Variants in SLC4A5 observed in about 807,000 individuals in gnomAD.
SLC4A5 encodes electrogenic sodium bicarbonate cotransporter 4.
Under a neutral mutation model 120.4 loss-of-function variants are expected in SLC4A5, and 96 were observed. The observed-to-expected ratio is 0.80, with a 90% CI of 0.68 to 0.94. The LOEUF is 0.94. Ranked by LOEUF, SLC4A5 falls within the 40% of genes least tolerant of loss-of-function variation. The pLI is 0.00. For missense variants in SLC4A5, 1,259 were observed against 1,459.5 expected (o/e 0.86, Z 2.24); for synonymous variants, 550 against 571.1 (o/e 0.96, Z 0.53).
At chr2:74,220,989 C>A (rs1198437921) in intron 30 of SLC4A5, among the ~76,000 whole-genome samples, 1 of 151,102 alleles carries the variant, frequency 6.6e-6, no homozygotes, top group Non-Finnish European at 1.5e-5. Flanking sequence ...TACAGGCCCC[C>A]ACCACCATGC....
intron 7 of SLC4A5, among the ~76,000 whole-genome samples, chr2:74,288,544 G>A (rs1672057991): frequency 1.3e-5 from 2 of 152,026 alleles, no homozygotes; most frequent in Admixed American, 6.6e-5. Context: ...TTCCCTCTTT[G>A]AAGATTCTCT....
At chr2:74,277,415 G>T (rs962235244) in intron 8 of SLC4A5, among the ~76,000 whole-genome samples, 1 of 152,290 alleles carries the variant, frequency 6.6e-6, no homozygotes, top group Middle Eastern at 3.4e-3. Context: ...CAGGCATGGT[G>T]GTGGGCGCCT....
intron 5 of SLC4A5, among the ~76,000 whole-genome samples, chr2:74,317,025 A>G (rs1672986713): frequency 6.6e-6 from 1 of 152,230 alleles, no homozygotes; most frequent in Admixed American, 6.5e-5. Flanking sequence ...TTCAATACAC[A>G]TGCATCAGGA....
At chr2:74,339,135 G>C (rs1673566794) in intron 2 of SLC4A5, 1 of 152,168 alleles carries the variant, frequency 6.6e-6, no homozygotes, top group African/African-American at 2.4e-5. Flanking sequence ...AAAAAAGAAA[G>C]AAAGAAAAAC....
chr2:74,221,635 C>CAGAGATGT, intron 29 of SLC4A5, 134 bp from the exon 30 acceptor site: 1 of 864,384 alleles, frequency 1.2e-6, no homozygotes, highest in Non-Finnish European at 1.8e-6. Context: ...TACGGGGCCT[C>CAGAGATGT]AGAGATGTGT....
intron 16 of SLC4A5, among the ~76,000 whole-genome samples, chr2:74,251,259 G>A (rs969037006): frequency 7.2e-5 from 11 of 152,024 alleles, no homozygotes; most frequent in South Asian, 2.1e-4. Flanking sequence ...CCCTGGGCTC[G>A]GGGGTAGGGG....
At chr2:74,224,116 G>C (rs559284740) in intron 28 of SLC4A5, among the ~76,000 whole-genome samples, 1 of 152,276 alleles carries the variant, frequency 6.6e-6, no homozygotes, top group African/African-American at 2.4e-5. Flanking sequence ...ACTTCCTTTT[G>C]TGGGGACAGT....
chr2:74,316,957 T>C (rs560911817), intron 5 of SLC4A5, among the ~76,000 whole-genome samples: 30 of 152,378 alleles, frequency 2.0e-4, no homozygotes, highest in African/African-American at 7.2e-4. Flanking sequence ...ATGTAATACA[T>C]TTAAATGTTA....
At chr2:74,316,250 T>C (rs1453417493) in intron 5 of SLC4A5, among the ~76,000 whole-genome samples, 4 of 147,180 alleles carry the variant, frequency 2.7e-5, no homozygotes, top group African/African-American at 1.0e-4. Flanking sequence ...ATTAAAATGA[T>C]TGTAGGAAAG....
intron 19 of SLC4A5, 45 bp from the exon 20 acceptor site, chr2:74,242,097 G>C (rs1362634460): frequency 6.4e-7 from 1 of 1,563,670 alleles, no homozygotes. Flanking sequence ...CAGCTGTGGG[G>C]CTGGGAGCTG....
intron 28 of SLC4A5, 55 bp from the exon 29 acceptor site, chr2:74,223,007 CTTTTT>C (rs1238005058): frequency 2.5e-5 from 23 of 921,242 alleles, no homozygotes; most frequent in Admixed American, 8.8e-5. Context: ...ATTTGGCTTT[CTTTTT>C]TTTTTTTTTT....
At chr2:74,228,025 G>C in intron 25 of SLC4A5, 147 bp from the exon 26 acceptor site, 1 of 611,006 alleles carries the variant, frequency 1.6e-6, no homozygotes, top group Middle Eastern at 4.3e-4. Flanking sequence ...TGGGATGTGG[G>C]CAGGGGTGAA....
chr2:74,245,901 C>A (rs973803320), intron 19 of SLC4A5, among the ~76,000 whole-genome samples: 1 of 152,196 alleles, frequency 6.6e-6, no homozygotes, highest in Non-Finnish European at 1.5e-5. Context: ...CCACAGGAGT[C>A]CCAGGAGACC....
In SLC4A5 at chr2:74,237,927, C is replaced by A. The variant is rs563157129; in HGVS notation, c.2319+1408G>T. 3.5e-3 allele frequency among the ~76,000 whole-genome samples: 532 copies of A among 152,088 alleles called. 4 individuals are homozygous for A. The highest frequency in any genetic ancestry group is 0.012 in the African/African-American group (507 of 41,466). On this transcript the variant is annotated intron_variant, in intron 21 of 30. Transcript: ENST00000394019. ...GACCAGCCTGGCCAGCATGGTGAAA[C>A]CCCGTCTCAACTAAAATTACAAAAA...
chr2:74,270,671 TCAAAACAAAACAAAA>T (rs573269084), intron 8 of SLC4A5, among the ~76,000 whole-genome samples: 1 of 152,102 alleles, frequency 6.6e-6, no homozygotes, highest in Non-Finnish European at 1.5e-5. Context: ...AGACTCCGTC[TCAAAACAAAACAAAA>T]CAAAACAAAA....
At chr2:74,251,948 T>C (rs748970107) in intron 16 of SLC4A5, among the ~76,000 whole-genome samples, 3 of 152,160 alleles carry the variant, frequency 2.0e-5, no homozygotes, top group Non-Finnish European at 2.9e-5. Context: ...CCAAAGGATA[T>C]CTAAGAGAAA....
chr2:74,221,147 C>A (rs950449948), intron 30 of SLC4A5, among the ~76,000 whole-genome samples: 1 of 152,112 alleles, frequency 6.6e-6, no homozygotes, highest in Non-Finnish European at 1.5e-5. Context: ...TGGGCCACAA[C>A]GTTTACTTTC....
rs757287572 is a variant in SLC4A5 at position 74,227,516 on chromosome 2, C to A, written c.2916+294G>T. ...AGAGAGAGGTACAGTGAAATGCTCA[C>A]TGGAGTCAGCTTCTTCTGGATTTTG... On this transcript the variant is annotated intron_variant, in intron 26 of 30. Coordinates refer to ENST00000394019, the Ensembl canonical transcript of SLC4A5. 4.3e-6 allele frequency: 7 copies of A among 1,612,240 alleles called. No individual in the cohort carries two copies. In the African/African-American group the frequency reaches 8.0e-5, roughly 18 times the overall value.
chr2:74,278,621 T>C (rs1211181917), intron 8 of SLC4A5, among the ~76,000 whole-genome samples: 1 of 152,128 alleles, frequency 6.6e-6, no homozygotes, highest in African/African-American at 2.4e-5. Flanking sequence ...TTGATCCAGG[T>C]TCTGATTCAT....
Sources: gnomAD v4.1 joint callset for allele counts (sites outside exome capture counted in the v4.1 genomes callset) on GRCh38, gnomAD v4.1.1 for gene constraint, MANE v1.5 for transcripts, NCBI Gene and HGNC (gene_info 2026-07-23, HGNC 2026-07-21) for gene names.